The following SPRYD4 variants were observed in gnomAD, a reference collection of about 807,000 sequenced individuals.
SPRYD4 encodes SPRY domain-containing protein 4.
A neutral mutation model predicts 16.6 loss-of-function variants in SPRYD4; 12 were observed. That is an observed-to-expected ratio of 0.72 (90% confidence interval 0.46 to 1.17). SPRYD4 has a LOEUF of 1.17. Ranked by LOEUF, SPRYD4 falls within the 50% of genes most tolerant of loss-of-function variation. The probability of loss-of-function intolerance (pLI) is 0.00; values close to 1 mark genes in which losing one functional copy is unlikely to be tolerated. For synonymous variants in SPRYD4, 98 were observed against 105.4 expected (o/e 0.93, Z 0.43); for missense variants, 260 against 260.2 (o/e 1.00, Z 0.00).
rs1053389133 is a variant in SPRYD4, at chr12:56,471,020, T to C, written c.*1443T>C. 4.2e-6 allele frequency: 1 copy of C among 239,320 alleles called. No individual in the cohort carries two copies. Among genetic ancestry groups the C allele is most frequent in the Non-Finnish European group, 8.0e-6 (1 of 125,010 alleles). The allele number at this position is 239,320 out of a possible 1,614,324, so 14.8% of individuals were successfully genotyped here. A position where few individuals can be genotyped will look rare whatever the true frequency, so the allele number is the denominator to read the frequency against. On this transcript the variant is annotated 3_prime_UTR_variant, in exon 2 of 2. Transcript: ENST00000338146. The stretch of plus-strand genomic sequence containing the variant: ...TGTCTATAAAATTGGCTGTTAGCAG[T>C]AGCAGCAGCATGTCCTGGCCAAGGG...
Position 56,477,939 on chromosome 12 carries a change from C to A in SPRYD4, c.*8362C>A. The A allele has an allele frequency of 6.2e-7, 1 of 1,612,668 alleles. No individual in the cohort carries two copies. The highest frequency in any genetic ancestry group is 8.5e-7 in the Non-Finnish European group (1 of 1,179,112). On this transcript the variant is annotated 3_prime_UTR_variant, in exon 2 of 2. Transcript: ENST00000338146. ...GAGCCTTGGTAGTGCTCACCTTCCT[C>A]ATTGAGGGAGAGCTTGTTGTAGCGC...
chr12:56,478,883 C>G lies in SPRYD4; in HGVS notation c.*9306C>G, dbSNP rs573701206. The G allele has an allele frequency of 3.8e-4, 293 of 770,548 alleles. 2 individuals carry two copies. In the East Asian group the frequency reaches 8.0e-3, roughly 21 times the overall value. The allele number at this position is 770,548 out of a possible 1,614,324, so 47.7% of individuals were successfully genotyped here. A position where few individuals can be genotyped will look rare whatever the true frequency, so the allele number is the denominator to read the frequency against. Reference sequence around the variant, plus strand: ...TGGTGTATGCCAGCTACTCGGGAGGCTGAGACAGGAGAATCGCTTGAACCT... The same window carrying G: ...TGGTGTATGCCAGCTACTCGGGAGGGTGAGACAGGAGAATCGCTTGAACCT... On this transcript the variant is annotated 3_prime_UTR_variant, in exon 2 of 2. Coordinates refer to ENST00000338146, the MANE Select transcript of SPRYD4 (RefSeq NM_207344.4).
Position 56,474,417 on chromosome 12 carries a change from A to G in SPRYD4, c.*4840A>G. On this transcript the variant is annotated 3_prime_UTR_variant, in exon 2 of 2. Transcript: ENST00000338146. ...AAACTCGTCTAAGGAGTCTCAACCTAATTGCCTTCCTGGAAGTTAGTGAAT... is the reference window on the plus strand; with the variant it reads ...AAACTCGTCTAAGGAGTCTCAACCTGATTGCCTTCCTGGAAGTTAGTGAAT... 1 of 1,153,930 alleles carries G rather than the reference A, an allele frequency of 8.7e-7. No individual in the cohort carries two copies. Among genetic ancestry groups the G allele is most frequent in the Non-Finnish European group, 1.2e-6 (1 of 814,118 alleles). 71.5% of individuals were successfully genotyped at this position (1,153,930 alleles called of 1,614,324 possible).
At position 56,475,994 on chromosome 12, in the gene SPRYD4, A is replaced by C. The variant is rs1410837696; in HGVS notation, c.*6417A>C. ...ACAGTCCATCTGCAGAGAAAGAGAGAGATGTCAGCATTCTAAGTGTAGGAG... is the reference window on the plus strand; with the variant it reads ...ACAGTCCATCTGCAGAGAAAGAGAGCGATGTCAGCATTCTAAGTGTAGGAG... On this transcript the variant is annotated 3_prime_UTR_variant, in exon 2 of 2. Coordinates refer to ENST00000338146, the MANE Select transcript of SPRYD4 (RefSeq NM_207344.4). The C allele has an allele frequency of 6.2e-6, 10 of 1,611,726 alleles. No homozygotes were observed. Among genetic ancestry groups the C allele is most frequent in the Non-Finnish European group, 8.5e-6 (10 of 1,179,604 alleles).
In SPRYD4 at chr12:56,475,793, C is replaced by CT. The variant is rs5798384; in HGVS notation, c.*6217dup. 0.63 allele frequency: 890,205 copies of CT among 1,403,540 alleles called. 292,966 individuals carry two copies. Among genetic ancestry groups the CT allele is most frequent in the Admixed American group, 0.75 (43,637 of 58,232 alleles). 86.9% of individuals were successfully genotyped at this position (1,403,540 alleles called of 1,614,324 possible). A position where few individuals can be genotyped will look rare whatever the true frequency, so the allele number is the denominator to read the frequency against. ...AGGTCTTGTCAAGAGGCTTTCCTCTCTGAGGCCAGCAGATTTCCACATTTC... is the reference window on the plus strand; with the variant it reads ...AGGTCTTGTCAAGAGGCTTTCCTCTCTTGAGGCCAGCAGATTTCCACATTTC... On this transcript the variant is annotated 3_prime_UTR_variant, in exon 2 of 2. Transcript: ENST00000338146.
chr12:56,471,974 T>C lies in SPRYD4; in HGVS notation c.*2397T>C. On this transcript the variant is annotated 3_prime_UTR_variant, in exon 2 of 2. Transcript: ENST00000338146. ...TTTTGTACCCTGCAGCACTCAGTCA[T>C]AGTCTAGCTGCAAACCGAAGGGTGT... is the stretch of plus-strand genomic sequence containing the variant. The C allele has an allele frequency of 1.6e-6, 2 of 1,261,170 alleles. No homozygotes were observed. Among genetic ancestry groups the C allele is most frequent in the South Asian group, 2.5e-5 (2 of 79,536 alleles). 78.1% of individuals were successfully genotyped at this position (1,261,170 alleles called of 1,614,324 possible).
chr12:56,478,111 A>G lies in SPRYD4; in HGVS notation c.*8534A>G. 6.2e-7 allele frequency: 1 copy of G among 1,614,028 alleles called. No homozygotes were observed. The highest frequency in any genetic ancestry group is 8.5e-7 in the Non-Finnish European group (1 of 1,179,920). ...CCACAGAGTGCCTGGAGGCAGACAG[A>G]TGCCATGAAAGGGGTTGGCCTGTGT... On this transcript the variant is annotated 3_prime_UTR_variant, in exon 2 of 2. Transcript: ENST00000338146.
In SPRYD4 at chr12:56,475,850, A is replaced by G. The variant is rs1418095202; in HGVS notation, c.*6273A>G. On this transcript the variant is annotated 3_prime_UTR_variant, in exon 2 of 2. Transcript: ENST00000338146. ...TAAGGCTTCTAGTATGGGCTGGTGC[A>G]CCTGGTAGTGGGGTTAGAGAGCCAC... 3.5e-6 allele frequency: 5 copies of G among 1,444,004 alleles called. No homozygotes were observed. In the African/African-American group the frequency reaches 7.0e-5, roughly 20 times the overall value. The allele number at this position is 1,444,004 out of a possible 1,614,324, so 89.4% of individuals were successfully genotyped here.
Position 56,471,809 on chromosome 12 carries a change from A to G in SPRYD4, c.*2232A>G, listed in dbSNP as rs1214427991. ...AAAAGGATTCACTTTGCAAGCCTCG[A>G]TCAGGAATTTAACAACTTCGATGTG... On this transcript the variant is annotated 3_prime_UTR_variant, in exon 2 of 2. Transcript: ENST00000338146. 1 of 1,614,090 alleles carries G rather than the reference A, an allele frequency of 6.2e-7. No homozygotes were observed. The highest frequency in any genetic ancestry group is 1.1e-5 in the South Asian group (1 of 91,066).
chr12:56,475,085 C>T lies in SPRYD4; in HGVS notation c.*5508C>T. On this transcript the variant is annotated 3_prime_UTR_variant, in exon 2 of 2. Transcript: ENST00000338146. ...TAATAGCCGATGGCATAATTCCGAT[C>T]CCCTGTTTCCTTCTCTGACTGGAAT... The T allele has an allele frequency of 6.2e-7, 1 of 1,614,158 alleles. No homozygotes were observed. Among genetic ancestry groups the T allele is most frequent in the Non-Finnish European group, 8.5e-7 (1 of 1,180,040 alleles).
rs758828680 is a variant in SPRYD4, at chr12:56,473,414, C to T, written c.*3837C>T. On this transcript the variant is annotated 3_prime_UTR_variant, in exon 2 of 2. Transcript: ENST00000338146. Reference sequence around the variant, plus strand: ...TTATAGTAAAAGTGGTACCATTAAACAAATTTATTGCTTCAAAAATAGTAA... The same window carrying T: ...TTATAGTAAAAGTGGTACCATTAAATAAATTTATTGCTTCAAAAATAGTAA... The T allele has an allele frequency of 1.9e-6, 3 of 1,603,940 alleles. No homozygotes were observed. Among genetic ancestry groups the T allele is most frequent in the Non-Finnish European group, 2.6e-6 (3 of 1,173,864 alleles).
chr12:56,472,161 C>T lies in SPRYD4; in HGVS notation c.*2584C>T. The T allele has an allele frequency of 6.2e-7, 1 of 1,614,202 alleles. No homozygotes were observed. The highest frequency in any genetic ancestry group is 8.5e-7 in the Non-Finnish European group (1 of 1,180,048). On this transcript the variant is annotated 3_prime_UTR_variant, in exon 2 of 2. Transcript: ENST00000338146. The stretch of plus-strand genomic sequence containing the variant: ...TGCAGAGCTGTGCGCGAGTCATAGT[C>T]TTTCTGTTCCATATCCATGGCTGAC...
At position 56,474,008 on chromosome 12, in the gene SPRYD4, A is replaced by C. The variant is rs1869552772; in HGVS notation, c.*4431A>C. 5.5e-6 allele frequency: 1 copy of C among 180,610 alleles called. No homozygotes were observed. Among genetic ancestry groups the C allele is most frequent in the Admixed American group, 5.4e-5 (1 of 18,500 alleles). The allele number at this position is 180,610 out of a possible 1,614,324, so 11.2% of individuals were successfully genotyped here. A position where few individuals can be genotyped will look rare whatever the true frequency, so the allele number is the denominator to read the frequency against. On this transcript the variant is annotated 3_prime_UTR_variant, in exon 2 of 2. Coordinates refer to ENST00000338146, the MANE Select transcript of SPRYD4 (RefSeq NM_207344.4). ...AGAAAAGTCTTTCTTTGGAAATGACATCTAAGCTGAGACCCCAAGGAGAAG... is the reference window on the plus strand; with the variant it reads ...AGAAAAGTCTTTCTTTGGAAATGACCTCTAAGCTGAGACCCCAAGGAGAAG...
In SPRYD4 at chr12:56,473,368, T is replaced by A; in HGVS notation, c.*3791T>A. 6.2e-7 allele frequency: 1 copy of A among 1,605,972 alleles called. No individual in the cohort carries two copies. Among genetic ancestry groups the A allele is most frequent in the Non-Finnish European group, 8.5e-7 (1 of 1,175,198 alleles). The stretch of plus-strand genomic sequence containing the variant: ...TTGTTTATTTACTCCTTACACTTAG[T>A]AGGAGCTCAAAATTGCTTTATTATA... On this transcript the variant is annotated 3_prime_UTR_variant, in exon 2 of 2. Transcript: ENST00000338146.
rs1450224556 is a variant in SPRYD4, at chr12:56,479,014, C to T, written c.*9437C>T. On this transcript the variant is annotated 3_prime_UTR_variant, in exon 2 of 2. Transcript: ENST00000338146. The stretch of plus-strand genomic sequence containing the variant: ...AAAAAAAAAAAAAAAAAATCTGGCC[C>T]AGGTCCCTGACCCCTCCCTTAGTCC... The T allele has an allele frequency of 6.4e-7, 1 of 1,571,968 alleles. No homozygotes were observed. The highest frequency in any genetic ancestry group is 8.6e-7 in the Non-Finnish European group (1 of 1,165,498).
In SPRYD4 at chr12:56,475,634, T is replaced by C; in HGVS notation, c.*6057T>C. On this transcript the variant is annotated 3_prime_UTR_variant, in exon 2 of 2. Coordinates refer to ENST00000338146, the MANE Select transcript of SPRYD4 (RefSeq NM_207344.4). ...TGAGTAGGGACTTACGTGGCATTGC[T>C]GAAACCCATGTATTCATTCCCAGCC... The C allele has an allele frequency of 3.1e-6, 5 of 1,614,172 alleles. No individual in the cohort carries two copies. The highest frequency in any genetic ancestry group is 4.2e-6 in the Non-Finnish European group (5 of 1,180,008).
In SPRYD4 at chr12:56,469,172, G is replaced by T. The variant is rs569082300; in HGVS notation, c.219G>T (p.Glu73Asp). ...CCTTGAATGTGGAGCGCTTCCGGGA[G>T]TGGGCAGTGGTGCTGGCAGACACAG... is the stretch of plus-strand genomic sequence containing the variant. ...KVALNVERFR[E>D]WAVVLADTAV... The change falls in exon 2 of 2, where the codon GAG becomes GAT. Residue 73 changes from glutamate to aspartate, a missense_variant. Glu to Asp is a conservative substitution (Grantham distance 45, BLOSUM62 2). Transcript: ENST00000338146. 1 of 1,614,232 alleles carries T rather than the reference G, an allele frequency of 6.2e-7. No individual in the cohort carries two copies. The highest frequency in any genetic ancestry group is 1.3e-5 in the African/African-American group (1 of 75,062).
chr12:56,477,845 G>T lies in SPRYD4; in HGVS notation c.*8268G>T. The stretch of plus-strand genomic sequence containing the variant: ...GGCATGACAGGGCTAATCAGGAAGG[G>T]CAGAGAAACAAAAAAGGCTGGGAGA... On this transcript the variant is annotated 3_prime_UTR_variant, in exon 2 of 2. Coordinates refer to ENST00000338146, the MANE Select transcript of SPRYD4 (RefSeq NM_207344.4). 1.3e-6 allele frequency: 2 copies of T among 1,547,194 alleles called. No individual in the cohort carries two copies. The highest frequency in any genetic ancestry group is 1.4e-5 in the African/African-American group (1 of 73,226).
Position 56,473,004 on chromosome 12 carries a change from C to T in SPRYD4, c.*3427C>T. 1.0e-5 allele frequency: 6 copies of T among 595,522 alleles called. No individual in the cohort carries two copies. The highest frequency in any genetic ancestry group is 1.7e-5 in the Non-Finnish European group (6 of 343,968). 36.9% of individuals were successfully genotyped at this position (595,522 alleles called of 1,614,324 possible). On this transcript the variant is annotated 3_prime_UTR_variant, in exon 2 of 2. Coordinates refer to ENST00000338146, the MANE Select transcript of SPRYD4 (RefSeq NM_207344.4). Reference sequence around the variant, plus strand: ...TCCCGGTTTCAAGCGATTCTCCTGCCTCAGCCTCCCAAGTAGCTGGGACCA... The same window carrying T: ...TCCCGGTTTCAAGCGATTCTCCTGCTTCAGCCTCCCAAGTAGCTGGGACCA...
Sources: allele counts gnomAD v4.1 joint callset, GRCh38; gene constraint gnomAD v4.1.1; transcripts MANE v1.5; gene names NCBI Gene and HGNC (gene_info 2026-07-23, HGNC 2026-07-21).